The following ANKRD17 variants were observed in gnomAD, a reference collection of about 807,000 sequenced individuals.
The protein encoded by ANKRD17 is ankyrin repeat domain 17.
In ANKRD17, 19 loss-of-function variants were observed where a neutral mutation model predicts 229.7. That is an observed-to-expected ratio of 0.08 (90% CI 0.06 to 0.12). The LOEUF (loss-of-function observed/expected upper bound fraction) is 0.12. ANKRD17 is among the 10% of genes least tolerant of loss of function. ANKRD17 has a pLI of 1.00. For missense variants in ANKRD17, 2,176 were observed against 3,176.8 expected, an observed-to-expected ratio of 0.68 and a Z score of 7.57; for synonymous variants, 1,112 against 1,146.1, an observed-to-expected ratio of 0.97 and a Z score of 0.60.
chr4:73,250,853 G>A lies in ANKRD17; in HGVS notation c.393+7423C>T, dbSNP rs529103106. 5.3e-5 allele frequency among the ~76,000 whole-genome samples: 8 copies of A among 151,862 alleles called. No individual in the cohort carries two copies. The East Asian group carries it at 5.8e-4, about 11-fold the overall frequency. On this transcript the variant is annotated intron_variant, in intron 1 of 33. Transcript: ENST00000358602. ...TCCCAAGTAGCTGGGACTTACTGGC[G>A]GGAGCCACTACGCCCGACTAATTTT...
At chr4:73,236,549 T>C (rs1578488725) in intron 1 of ANKRD17, among the ~76,000 whole-genome samples, 1 of 152,144 alleles carries the variant, frequency 6.6e-6, no homozygotes, top group African/African-American at 2.4e-5. Context: ...TGGCAAAATG[T>C]TGTATGATGT....
At chr4:73,223,927 T>C (rs1030934791) in intron 1 of ANKRD17, among the ~76,000 whole-genome samples, 3 of 152,136 alleles carry the variant, frequency 2.0e-5, no homozygotes, top group Non-Finnish European at 2.9e-5. Context: ...TTCTTCCTTA[T>C]ACAACTTTGA....
intron 1 of ANKRD17, among the ~76,000 whole-genome samples, chr4:73,192,123 T>C (rs1737188778): frequency 6.6e-6 from 1 of 152,124 alleles, no homozygotes; most frequent in African/African-American, 2.4e-5. Flanking sequence ...TTATTTATCT[T>C]CATGAACTTA....
intron 25 of ANKRD17, chr4:73,101,222 T>G (rs1336698641): frequency 4.1e-6 from 4 of 975,652 alleles, no homozygotes; most frequent in East Asian, 1.1e-4. Flanking sequence ...CCAAATAACC[T>G]TTTGATTATA....
chr4:73,107,267 T>G (rs1724756459), intron 24 of ANKRD17, among the ~76,000 whole-genome samples: 2 of 152,228 alleles, frequency 1.3e-5, no homozygotes, highest in Admixed American at 1.3e-4. Flanking sequence ...CATCAAGATT[T>G]CATTTCTCAA....
intron 16 of ANKRD17, among the ~76,000 whole-genome samples, chr4:73,132,982 C>G (rs1728414412): frequency 6.6e-6 from 1 of 152,186 alleles, no homozygotes; most frequent in Non-Finnish European, 1.5e-5. Context: ...TGCGGTGGCA[C>G]ACGCCTGTAA....
At chr4:73,193,580 G>A (rs530578648) in intron 1 of ANKRD17, among the ~76,000 whole-genome samples, 9 of 152,144 alleles carry the variant, frequency 5.9e-5, no homozygotes, top group Admixed American at 2.0e-4. Context: ...TAATGGTGTT[G>A]AACACCTTTA....
chr4:73,147,134 A>T (rs1730389767), intron 9 of ANKRD17, 107 bp downstream of exon 9: 1 of 1,110,776 alleles, frequency 9.0e-7, no homozygotes, highest in Non-Finnish European at 1.3e-6. Flanking sequence ...ACGTTTTTTT[A>T]AACTCACACA....
At chr4:73,243,995 T>C (rs1364112099) in intron 1 of ANKRD17, among the ~76,000 whole-genome samples, 1 of 152,202 alleles carries the variant, frequency 6.6e-6, no homozygotes, top group Admixed American at 6.5e-5. Context: ...GTCCAAGATC[T>C]GGGTGTCTGC....
intron 1 of ANKRD17, among the ~76,000 whole-genome samples, chr4:73,234,629 T>C (rs1743344794): frequency 6.6e-6 from 1 of 152,234 alleles, no homozygotes; most frequent in Non-Finnish European, 1.5e-5. Context: ...CCCAAAAAGG[T>C]ACCTGGATAG....
chr4:73,135,032 C>A (rs1055775132), intron 16 of ANKRD17, 85 bp downstream of exon 16: 31 of 1,377,976 alleles, frequency 2.2e-5, no homozygotes, highest in Non-Finnish European at 3.1e-5. Flanking sequence ...AGCAGTCTTT[C>A]ATGGTTTAAA....
At chr4:73,222,329 G>C (rs1451917832) in intron 1 of ANKRD17, among the ~76,000 whole-genome samples, 2 of 151,952 alleles carry the variant, frequency 1.3e-5, no homozygotes, top group Admixed American at 6.6e-5. Context: ...TTTACAACCA[G>C]AAAAGAGAAA....
At chr4:73,158,059 C>A (rs1254229097) in intron 3 of ANKRD17, among the ~76,000 whole-genome samples, 1 of 150,906 alleles carries the variant, frequency 6.6e-6, no homozygotes, top group Non-Finnish European at 1.5e-5. Flanking sequence ...CCACTGCACT[C>A]CAGTCTGTGT....
intron 7 of ANKRD17, among the ~76,000 whole-genome samples, chr4:73,151,132 T>TC (rs1730952321): frequency 6.6e-6 from 1 of 152,156 alleles, no homozygotes; most frequent in Admixed American, 6.5e-5. Context: ...CACCTTGGTC[T>TC]CCCAAAATGC....
chr4:73,231,265 A>G (rs920565192), intron 1 of ANKRD17, among the ~76,000 whole-genome samples: 2 of 152,216 alleles, frequency 1.3e-5, no homozygotes, highest in African/African-American at 4.8e-5. Context: ...GGGGGAATGA[A>G]GAAACAGTTC....
chr4:73,090,808 C>T lies in ANKRD17; in HGVS notation c.6820G>A (p.Val2274Ile). The change falls in exon 29 of 34, where the codon GTT becomes ATT. Residue 2274 changes from valine to isoleucine, a missense_variant. Val to Ile is a conservative substitution (Grantham distance 29). Around this residue, in one of 18 missense-constraint regions of ANKRD17, gnomAD observed 424 missense variants for 454.0 expected, o/e 0.93. Transcript: ENST00000358602. ...SAHAFWGGSV[V>I]SSQSTPESML... The stretch of plus-strand genomic sequence containing the variant: ...GATTCTGGTGTTGACTGAGATGAAA[C>T]AACAGATCCTCCCCAGAAGGCATGA... 1 of 1,614,130 alleles carries T rather than the reference C, an allele frequency of 6.2e-7. No homozygotes were observed. Among genetic ancestry groups the T allele is most frequent in the Non-Finnish European group, 8.5e-7 (1 of 1,180,026 alleles).
At chr4:73,204,691 T>C (rs1400798148) in intron 1 of ANKRD17, among the ~76,000 whole-genome samples, 1 of 151,996 alleles carries the variant, frequency 6.6e-6, no homozygotes, top group Non-Finnish European at 1.5e-5. Flanking sequence ...ATTCACAACA[T>C]AGGTAGAAAT....
chr4:73,153,334 T>G (rs1351577367), intron 6 of ANKRD17, among the ~76,000 whole-genome samples: 1 of 152,182 alleles, frequency 6.6e-6, no homozygotes, highest in Non-Finnish European at 1.5e-5. Context: ...ATAAAAAATT[T>G]TCTTAATTTA....
rs573381447 is a variant in ANKRD17, at chr4:73,202,844, T to C, written c.394-25311A>G. On this transcript the variant is annotated intron_variant, in intron 1 of 33. Transcript: ENST00000358602. ...GTCTCATAATTAGGAGGGAAAAAGGTAAACAGAAACAGATGTAGAATTAGC... is the reference window on the plus strand; with the variant it reads ...GTCTCATAATTAGGAGGGAAAAAGGCAAACAGAAACAGATGTAGAATTAGC... Among the ~76,000 whole-genome samples, 4 of 152,292 alleles carry C rather than the reference T, an allele frequency of 2.6e-5. No homozygotes were observed. The East Asian group carries it at 7.7e-4, about 29-fold the overall frequency.
Sources: allele counts gnomAD v4.1 joint callset (sites outside exome capture counted in the v4.1 genomes callset), GRCh38; gene constraint gnomAD v4.1.1; regional missense constraint gnomAD v4.1.1; transcripts MANE v1.5; gene names NCBI Gene and HGNC (gene_info 2026-07-23, HGNC 2026-07-21).